The following CNKSR3 variants were observed in gnomAD, a reference collection of about 807,000 sequenced individuals.
CNKSR3 encodes the protein connector enhancer of kinase suppressor of ras 3.
Under a neutral mutation model 67.7 loss-of-function variants are expected in CNKSR3, and 36 were observed. The observed-to-expected ratio is 0.53, with a 90% CI of 0.41 to 0.70. CNKSR3 has a LOEUF of 0.70. Among genes scored for constraint, CNKSR3 ranks in the 30% least tolerant of loss-of-function variants. The pLI, the probability that CNKSR3 is intolerant of heterozygous loss-of-function variation, is 0.00. For synonymous variants in CNKSR3, 281 were observed against 271.4 expected, an observed-to-expected ratio of 1.04 and a Z score of -0.35; for missense variants, 630 against 695.2, an observed-to-expected ratio of 0.91 and a Z score of 1.05.
At chr6:154,460,772 G>A (rs541087337) in intron 1 of CNKSR3, among the ~76,000 whole-genome samples, 1 of 152,284 alleles carries the variant, frequency 6.6e-6, no homozygotes, top group South Asian at 2.1e-4. Context: ...TCATGCTTAC[G>A]CTGAATGAAG....
chr6:154,486,757 G>C (rs1032576034), intron 1 of CNKSR3, among the ~76,000 whole-genome samples: 1 of 151,974 alleles, frequency 6.6e-6, no homozygotes, highest in African/African-American at 2.4e-5. Flanking sequence ...GCCTCCCAAA[G>C]TGCTAAGATT....
At chr6:154,433,018 G>A (rs1785400778) in intron 5 of CNKSR3, among the ~76,000 whole-genome samples, 1 of 152,136 alleles carries the variant, frequency 6.6e-6, no homozygotes, top group African/African-American at 2.4e-5. Flanking sequence ...AGCACAGGCT[G>A]GCGTATGTCA....
chr6:154,468,364 G>A (rs1786252330), intron 1 of CNKSR3, among the ~76,000 whole-genome samples: 1 of 149,400 alleles, frequency 6.7e-6, no homozygotes, highest in African/African-American at 2.5e-5. Context: ...ACAGGCATGA[G>A]CCACTGCACC....
intron 1 of CNKSR3, among the ~76,000 whole-genome samples, chr6:154,485,243 C>G (rs961832551): frequency 1.3e-5 from 2 of 152,162 alleles, no homozygotes; most frequent in Non-Finnish European, 2.9e-5. Flanking sequence ...TTACAAATAT[C>G]TTTTGAAAAG....
chr6:154,488,782 C>T (rs937119205), intron 1 of CNKSR3, among the ~76,000 whole-genome samples: 4 of 152,134 alleles, frequency 2.6e-5, no homozygotes, highest in Admixed American at 2.6e-4. Flanking sequence ...TGACTGGGGT[C>T]AGGGGTGACA....
At chr6:154,416,833 G>A (rs1177924344) in intron 9 of CNKSR3, among the ~76,000 whole-genome samples, 1 of 152,134 alleles carries the variant, frequency 6.6e-6, no homozygotes, top group African/African-American at 2.4e-5. Flanking sequence ...GCTATAAAAT[G>A]GTGTCTGCAT....
intron 9 of CNKSR3, among the ~76,000 whole-genome samples, chr6:154,420,885 T>G (rs1785130872): frequency 6.6e-6 from 1 of 152,170 alleles, no homozygotes; most frequent in Admixed American, 6.5e-5. Context: ...ACAATATAAA[T>G]AGATACAATT....
chr6:154,486,136 C>A (rs62432720), intron 1 of CNKSR3, among the ~76,000 whole-genome samples: 5,020 of 152,052 alleles, frequency 0.033, 305 homozygotes, highest in African/African-American at 0.11. Flanking sequence ...TCCCCTCGGC[C>A]GTGTAATGCC....
intron 12 of CNKSR3, among the ~76,000 whole-genome samples, chr6:154,409,730 T>C (rs967002920): frequency 6.6e-6 from 1 of 151,960 alleles, no homozygotes. Flanking sequence ...TAATGAATAA[T>C]TTATTTCTAT....
At chr6:154,433,844 A>G (rs1785418431) in intron 4 of CNKSR3, 1 of 190,176 alleles carries the variant, frequency 5.3e-6, no homozygotes. Flanking sequence ...TCAGAAGTCC[A>G]AGTCAAGAAA....
At chr6:154,461,984 G>A (rs1241089416) in intron 1 of CNKSR3, among the ~76,000 whole-genome samples, 1 of 152,212 alleles carries the variant, frequency 6.6e-6, no homozygotes, top group Non-Finnish European at 1.5e-5. Context: ...GCTGGAAAAG[G>A]GCCGAAACGG....
intron 1 of CNKSR3, among the ~76,000 whole-genome samples, chr6:154,460,053 C>A (rs56292313): frequency 8.1e-4 from 123 of 152,340 alleles, no homozygotes; most frequent in African/African-American, 2.7e-3. Context: ...GCCCCCACCC[C>A]CTCCTGGGAC....
intron 2 of CNKSR3, among the ~76,000 whole-genome samples, chr6:154,443,562 G>T (rs1320797188): frequency 1.3e-5 from 2 of 152,250 alleles, no homozygotes; most frequent in African/African-American, 4.8e-5. Context: ...GCAGAAGCAG[G>T]GCTCTGTGAG....
At chr6:154,453,712 CA>C (rs1321930684) in intron 1 of CNKSR3, among the ~76,000 whole-genome samples, 1 of 152,144 alleles carries the variant, frequency 6.6e-6, no homozygotes, top group Non-Finnish European at 1.5e-5. Flanking sequence ...CATTTATAAA[CA>C]GCTAAATTAA....
At chr6:154,459,535 T>C (rs1376766644) in intron 1 of CNKSR3, among the ~76,000 whole-genome samples, 1 of 152,200 alleles carries the variant, frequency 6.6e-6, no homozygotes, top group Non-Finnish European at 1.5e-5. Context: ...AGCTACCAAA[T>C]ACGTAGTAAT....
intron 1 of CNKSR3, among the ~76,000 whole-genome samples, chr6:154,506,244 A>G (rs1787100907): frequency 6.6e-6 from 1 of 152,118 alleles, no homozygotes; most frequent in Admixed American, 6.6e-5. Context: ...AAAAAAAAAG[A>G]AAGGAAGGGA....
At position 154,466,106 on chromosome 6, in the gene CNKSR3, C is replaced by T. The variant is rs531747951; in HGVS notation, c.53-15848G>A. 4.6e-5 allele frequency among the ~76,000 whole-genome samples: 7 copies of T among 152,300 alleles called. No homozygotes were observed. In the South Asian group the frequency reaches 1.4e-3, roughly 32 times the overall value. ...AAACTTTAGAAAATGGCAAGTTATC[C>T]CTTGCTGGAACCAAATAACAATATG... On this transcript the variant is annotated intron_variant, in intron 1 of 12. Coordinates refer to ENST00000607772, the MANE Select transcript of CNKSR3 (RefSeq NM_173515.4).
At chr6:154,461,072 G>A (rs1264376326) in intron 1 of CNKSR3, among the ~76,000 whole-genome samples, 7 of 152,260 alleles carry the variant, frequency 4.6e-5, no homozygotes, top group Admixed American at 3.9e-4. Context: ...TTAAAACCCC[G>A]CATGAATAGG....
intron 1 of CNKSR3, among the ~76,000 whole-genome samples, chr6:154,472,155 G>A (rs1248989822): frequency 6.6e-6 from 1 of 152,098 alleles, no homozygotes; most frequent in Non-Finnish European, 1.5e-5. Flanking sequence ...TGACAGAACT[G>A]GCCCCAAGTA....
Sources: gnomAD v4.1 joint callset for allele counts (sites outside exome capture counted in the v4.1 genomes callset) on GRCh38, gnomAD v4.1.1 for gene constraint, MANE v1.5 for transcripts, NCBI Gene and HGNC (gene_info 2026-07-23, HGNC 2026-07-21) for gene names.